The following FUCA1 variants were observed in gnomAD, a reference collection of about 807,000 sequenced individuals.
FUCA1 encodes tissue alpha-L-fucosidase.
In FUCA1, 52 loss-of-function variants were observed where a neutral mutation model predicts 56.8. The observed-to-expected ratio is 0.92, with a 90% CI of 0.73 to 1.15. The LOEUF is 1.15. Ranked by LOEUF, FUCA1 falls within the 50% of genes most tolerant of loss-of-function variation. The probability of loss-of-function intolerance (pLI) is 0.00; values close to 1 mark genes in which losing one functional copy is unlikely to be tolerated. For synonymous variants in FUCA1, 230 were observed against 226.6 expected, an observed-to-expected ratio of 1.02 and a Z score of -0.14; for missense variants, 568 against 592.6, an observed-to-expected ratio of 0.96 and a Z score of 0.43.
At chr1:23,849,665 C>G (rs1639217459) in intron 5 of FUCA1, among the ~76,000 whole-genome samples, 1 of 149,680 alleles carries the variant, frequency 6.7e-6, no homozygotes, top group Middle Eastern at 3.5e-3. Context: ...TCACTGCAAC[C>G]TCCGCCTCCT....
At position 23,867,724 on chromosome 1, in the gene FUCA1, C is replaced by G. The variant is rs1206956562; in HGVS notation, c.389+174G>C. 3.0e-6 allele frequency: 3 copies of G among 984,774 alleles called. No homozygotes were observed. In the East Asian group the frequency reaches 3.4e-4, roughly 112 times the overall value. 61.0% of individuals were successfully genotyped at this position (984,774 alleles called of 1,614,324 possible). ...TTTATCAGTCCCCAGTCAAACGCAC[C>G]TCCTCCTCCTCATCAGGTGTGCCAG... On this transcript the variant is annotated intron_variant, in intron 1 of 7. Coordinates refer to ENST00000374479, the MANE Select transcript of FUCA1 (RefSeq NM_000147.5). The surrounding 1 kb of genome is among the most constrained non-coding windows in gnomAD (Gnocchi z 4.9).
At position 23,867,773 on chromosome 1, in the gene FUCA1, G is replaced by A. The variant is rs1409298300; in HGVS notation, c.389+125C>T. 6 of 1,427,678 alleles carry A rather than the reference G, an allele frequency of 4.2e-6. No individual in the cohort carries two copies. The South Asian group carries it at 4.5e-5, about 11-fold the overall frequency. 88.4% of individuals were successfully genotyped at this position (1,427,678 alleles called of 1,614,324 possible). ...AGGCTCACTCCTGTGGCCGCAGGAG[G>A]CCACACGCGGGCCCCGGGGTCATGG... On this transcript the variant is annotated intron_variant, in intron 1 of 7. Transcript: ENST00000374479. This position sits in a 1 kb window ranked among gnomAD's most constrained non-coding sequence, Gnocchi z 4.9.
At chr1:23,863,373 C>G (rs1174943124) in intron 2 of FUCA1, 102 bp from the exon 3 acceptor site, 7 of 1,145,856 alleles carry the variant, frequency 6.1e-6, no homozygotes, top group Non-Finnish European at 8.7e-6. Context: ...GTGGCACTCA[C>G]TCATAAGAGC....
At position 23,867,966 on chromosome 1, in the gene FUCA1, T is replaced by A; in HGVS notation, c.321A>T (p.Gly107=). The A allele has an allele frequency of 6.3e-7, 1 of 1,589,844 alleles. No homozygotes were observed. Among genetic ancestry groups the A allele is most frequent in the Non-Finnish European group, 8.6e-7 (1 of 1,169,428 alleles). ...GGAAGAAGCGCGCAGTGAACTGCGG[T>A]CCGAAGTCGGCGTAGCTGAAGCCGG... The part of the protein sequence containing the change: ...YPPGFSYADF[G]PQFTARFFHP... The change falls in exon 1 of 8, where the codon GGA becomes GGT. Residue 107 remains glycine (G), a synonymous_variant. Coordinates refer to ENST00000374479, the MANE Select transcript of FUCA1 (RefSeq NM_000147.5). This position sits in a 1 kb window ranked among gnomAD's most constrained non-coding sequence, Gnocchi z 4.9.
At chr1:23,847,179 A>G (rs1025285043) in intron 6 of FUCA1, among the ~76,000 whole-genome samples, 32 of 152,204 alleles carry the variant, frequency 2.1e-4, no homozygotes, top group African/African-American at 7.7e-4. Flanking sequence ...CAATTGGGTT[A>G]AGTTGTCTTT....
In FUCA1 at chr1:23,845,135, A is replaced by G. The variant is rs939928734; in HGVS notation, c.*580T>C. On this transcript the variant is annotated 3_prime_UTR_variant, in exon 8 of 8. Coordinates refer to ENST00000374479, the MANE Select transcript of FUCA1 (RefSeq NM_000147.5). ...TTTTTATTTGATCATACTTAAAAAGACAGAGCAGAATCACATTCATTTTCT... is the reference window on the plus strand; with the variant it reads ...TTTTTATTTGATCATACTTAAAAAGGCAGAGCAGAATCACATTCATTTTCT... 1 of 158,426 alleles carries G rather than the reference A, an allele frequency of 6.3e-6. No homozygotes were observed. The highest frequency in any genetic ancestry group is 2.4e-5 in the African/African-American group (1 of 41,478). 9.8% of individuals were successfully genotyped at this position (158,426 alleles called of 1,614,324 possible).
At chr1:23,856,680 T>C (rs1343501656) in intron 4 of FUCA1, among the ~76,000 whole-genome samples, 1 of 152,162 alleles carries the variant, frequency 6.6e-6, no homozygotes, top group African/African-American at 2.4e-5. Flanking sequence ...AAGGTCCTGG[T>C]TGCTTAGGAA....
chr1:23,860,970 G>A (rs1327754074), intron 3 of FUCA1, among the ~76,000 whole-genome samples: 2 of 151,782 alleles, frequency 1.3e-5, no homozygotes, highest in Non-Finnish European at 2.9e-5. Context: ...TTTAGGAAAT[G>A]GAGGTGTAAT....
chr1:23,859,447 T>A (rs1356121633), intron 4 of FUCA1, among the ~76,000 whole-genome samples: 3 of 151,814 alleles, frequency 2.0e-5, no homozygotes, highest in Non-Finnish European at 2.9e-5. Flanking sequence ...GCCCCTGTAA[T>A]CTCAGCTACT....
intron 2 of FUCA1, 95 bp from the exon 3 acceptor site, chr1:23,863,366 GCACT>G: frequency 8.0e-7 from 1 of 1,255,878 alleles, no homozygotes; most frequent in Non-Finnish European, 1.1e-6. Flanking sequence ...CATTTCAGTG[GCACT>G]CACTCATAAG....
chr1:23,864,614 C>T (rs544402589), intron 2 of FUCA1, among the ~76,000 whole-genome samples: 20 of 152,176 alleles, frequency 1.3e-4, no homozygotes, highest in South Asian at 4.1e-4. Context: ...ATCAATATCT[C>T]AGAGTTTTAC....
intron 3 of FUCA1, among the ~76,000 whole-genome samples, chr1:23,860,270 T>C (rs1394882200): frequency 1.3e-5 from 2 of 152,176 alleles, no homozygotes; most frequent in African/African-American, 4.8e-5. Context: ...ACCAGTTTGC[T>C]AATAAAACCA....
At chr1:23,855,746 A>C (rs1639377287) in intron 4 of FUCA1, among the ~76,000 whole-genome samples, 1 of 152,214 alleles carries the variant, frequency 6.6e-6, no homozygotes, top group African/African-American at 2.4e-5. Flanking sequence ...ACAGAATTGA[A>C]AAGGACAACT....
rs1345606749 is a variant in FUCA1, at chr1:23,848,772, A to G, written c.1037T>C (p.Leu346Pro). 1 of 1,614,124 alleles carries G rather than the reference A, an allele frequency of 6.2e-7. No individual in the cohort carries two copies. ...CCTTTCTTGGAAGATGGGAACAATC[A>G]GTCCATCTTTAGTTGGTCCAATGTT... ...LLNIGPTKDG[L>P]IVPIFQERLL... Residue 346 changes from leucine to proline, a missense_variant, in exon 6 of 8, where the codon CTG becomes CCG. Coordinates refer to ENST00000374479, the MANE Select transcript of FUCA1 (RefSeq NM_000147.5).
At chr1:23,857,007 GA>G (rs145048129) in intron 4 of FUCA1, among the ~76,000 whole-genome samples, 3 of 144,940 alleles carry the variant, frequency 2.1e-5, no homozygotes, top group African/African-American at 2.5e-5. Flanking sequence ...AAAAAGAAAA[GA>G]AAAAAAAAAG....
intron 3 of FUCA1, among the ~76,000 whole-genome samples, chr1:23,860,446 T>A (rs1395025081): frequency 1.3e-5 from 2 of 151,528 alleles, no homozygotes; most frequent in Non-Finnish European, 2.9e-5. Context: ...TAGCCAGGTG[T>A]GGTGGTGGGC....
chr1:23,866,225 T>A (rs1436626806), intron 1 of FUCA1, among the ~76,000 whole-genome samples: 2 of 152,160 alleles, frequency 1.3e-5, no homozygotes, highest in African/African-American at 4.8e-5. Flanking sequence ...GGCATAAGAA[T>A]CACTTGAGCC....
At chr1:23,866,106 G>T (rs1177080629) in intron 1 of FUCA1, among the ~76,000 whole-genome samples, 1 of 152,188 alleles carries the variant, frequency 6.6e-6, no homozygotes. Flanking sequence ...GAGGTCAGGG[G>T]TTCAAGACCA....
At chr1:23,853,423 C>T (rs1482023633) in intron 5 of FUCA1, among the ~76,000 whole-genome samples, 2 of 151,564 alleles carry the variant, frequency 1.3e-5, no homozygotes, top group African/African-American at 4.9e-5. Context: ...GCCAGCCGCC[C>T]CGTCCGGGAG....
Sources: allele counts gnomAD v4.1 joint callset (sites outside exome capture counted in the v4.1 genomes callset), GRCh38; gene constraint gnomAD v4.1.1; non-coding constraint Gnocchi (gnomAD v3.1); transcripts MANE v1.5; gene names NCBI Gene and HGNC (gene_info 2026-07-23, HGNC 2026-07-21).